Variants in CCDC88B observed in about 807,000 individuals in gnomAD.
The protein encoded by CCDC88B is coiled-coil domain-containing protein 88B.
CCDC88B carries 138 observed loss-of-function variants against 183.7 expected under a neutral mutation model. That is an observed-to-expected ratio of 0.75 (90% CI 0.65 to 0.87). CCDC88B has a LOEUF of 0.87. Ranked by LOEUF, CCDC88B falls within the 40% of genes least tolerant of loss-of-function variation. The pLI is 0.00. For missense variants in CCDC88B, 1,822 were observed against 1,965.6 expected (o/e 0.93, Z 1.38); for synonymous variants, 835 against 867.5 (o/e 0.96, Z 0.66).
chr11:64,354,092 G>T lies in CCDC88B; in HGVS notation c.4021G>T (p.Asp1341Tyr). The stretch of plus-strand genomic sequence containing the variant: ...CCCTGGGGGGCTGCGCCTGGGGGCC[G>T]ATGGGGCTGGCAGCACCGAGAGCCT... ...GPPGGLRLGA[D>Y]GAGSTESLGG... is the part of the protein sequence containing the mutation. Residue 1341 changes from aspartate to tyrosine, a missense_variant, in exon 24 of 27, where the codon GAT becomes TAT. By Grantham distance (160) the Asp-to-Tyr change is radical. Transcript: ENST00000356786. 1 of 1,419,616 alleles carries T rather than the reference G, an allele frequency of 7.0e-7. No homozygotes were observed. The highest frequency in any genetic ancestry group is 1.7e-5 in the South Asian group (1 of 57,410). The allele number at this position is 1,419,616 out of a possible 1,614,324, so 87.9% of individuals were successfully genotyped here.
chr11:64,356,941 G>A (rs1041903141), intron 26 of CCDC88B, 98 bp from the exon 27 acceptor site: 355 of 1,226,062 alleles, frequency 2.9e-4, no homozygotes, highest in Non-Finnish European at 3.8e-4. Flanking sequence ...GGTATTGGCA[G>A]GTCGGGGGTG....
Position 64,352,333 on chromosome 11 carries a change from C to T in CCDC88B, c.3303C>T (p.Asp1101=), listed in dbSNP as rs1367300541. 13 of 1,547,796 alleles carry T rather than the reference C, an allele frequency of 8.4e-6. No homozygotes were observed. The highest frequency in any genetic ancestry group is 2.0e-5 in the Admixed American group (1 of 51,036). The change falls in exon 19 of 27, where the codon GAC becomes GAT. Residue 1101 remains aspartate, a synonymous_variant. Coordinates refer to ENST00000356786, the MANE Select transcript of CCDC88B (RefSeq NM_032251.6). Reference sequence around the variant, plus strand: ...AGGGACTGCTGGTGCGGCACCGAGACCTCAAGGCCAACATGCGGGCACTGG... The same window carrying T: ...AGGGACTGCTGGTGCGGCACCGAGATCTCAAGGCCAACATGCGGGCACTGG... ...ELEGLLVRHR[D]LKANMRALEL... is the part of the protein sequence containing the mutation.
chr11:64,355,648 A>G lies in CCDC88B; in HGVS notation c.4375+20A>G. 1 of 1,600,718 alleles carries G rather than the reference A, an allele frequency of 6.2e-7. No homozygotes were observed. The highest frequency in any genetic ancestry group is 2.2e-5 in the East Asian group (1 of 44,662). On this transcript the variant is annotated intron_variant, in intron 26 of 26. Transcript: ENST00000356786. ...GAGAGGGTGAGTGGGGGACTGTGGA[A>G]GGAGTAGTATTCTTTGTCCTGCCTG... is the stretch of plus-strand genomic sequence containing the variant.
chr11:64,353,144 G>T lies in CCDC88B; in HGVS notation c.3591G>T (p.Glu1197Asp). 1 of 1,595,048 alleles carries T rather than the reference G, an allele frequency of 6.3e-7. No individual in the cohort carries two copies. Among genetic ancestry groups the T allele is most frequent in the Admixed American group, 1.7e-5 (1 of 57,188 alleles). ...TACGGGGCCGGCTGGCGCGGCTGGA[G>T]CTGGAGCGGGCACAGCTGGAGATGC... Reference protein sequence around the residue: ...GELRGRLARLELERAQLEMQS... With the variant: ...GELRGRLARLDLERAQLEMQS... Residue 1197 changes from glutamate (E) to aspartate (D), a missense_variant, in exon 21 of 27, where the codon GAG becomes GAT. By Grantham distance (45) the Glu-to-Asp change is conservative. Coordinates refer to ENST00000356786, the MANE Select transcript of CCDC88B (RefSeq NM_032251.6).
At position 64,344,356 on chromosome 11, in the gene CCDC88B, C is replaced by T. The variant is rs149597819; in HGVS notation, c.1815C>T (p.Ala605=). Residue 605 remains alanine (A), a synonymous_variant, in exon 14 of 27, where the codon GCC becomes GCT. Coordinates refer to ENST00000356786, the MANE Select transcript of CCDC88B (RefSeq NM_032251.6). The surrounding 1 kb of genome is among the most constrained non-coding windows in gnomAD (Gnocchi z 4.5). ...RSSLQSPASV[A]PPQGPGTKIQ... ...CTCTCCAGAGCCCTGCCTCTGTGGCCCCACCTCAGGGTCCAGGGACCAAAA... is the reference window on the plus strand; with the variant it reads ...CTCTCCAGAGCCCTGCCTCTGTGGCTCCACCTCAGGGTCCAGGGACCAAAA... The T allele has an allele frequency of 5.1e-4, 809 of 1,594,220 alleles. 5 individuals are homozygous for T. In the African/African-American group the frequency reaches 9.6e-3, roughly 19 times the overall value.
chr11:64,355,370 C>G lies in CCDC88B; in HGVS notation c.4276C>G (p.Pro1426Ala), dbSNP rs375985057. The change falls in exon 25 of 27, where the codon CCC (proline) becomes GCC (alanine). Residue 1426 changes from proline to alanine, a missense_variant. Pro to Ala is a conservative substitution (Grantham distance 27). Transcript: ENST00000356786. The part of the protein sequence containing the change: ...RQRFRQRHPG[P>A]LGAPVSHSKG... ...ACGATTCCGACAGCGCCATCCAGGC[C>G]CCCTGGGGGCGCCCGTCTCCCACAG... 14 of 1,590,596 alleles carry G rather than the reference C, an allele frequency of 8.8e-6. No individual in the cohort carries two copies. In the African/African-American group the frequency reaches 1.9e-4, roughly 21 times the overall value.
At chr11:64,340,784 GA>G in intron 2 of CCDC88B, 32 bp downstream of exon 2, 1 of 1,584,188 alleles carries the variant, frequency 6.3e-7, no homozygotes, top group Non-Finnish European at 8.6e-7. Context: ...CGGTGGCGGG[GA>G]AGGATCTGAG....
At chr11:64,353,644 C>A in intron 22 of CCDC88B, 71 bp from the exon 23 acceptor site, 2 of 1,591,930 alleles carry the variant, frequency 1.3e-6, no homozygotes, top group Non-Finnish European at 1.7e-6. Flanking sequence ...GTCCTCGCTG[C>A]AGCTTGTGCC....
chr11:64,342,285 T>G lies in CCDC88B; in HGVS notation c.822-9T>G. The G allele has an allele frequency of 1.3e-6, 2 of 1,580,958 alleles. No individual in the cohort carries two copies. The highest frequency in any genetic ancestry group is 1.7e-6 in the Non-Finnish European group (2 of 1,164,188). Reference sequence around the variant, plus strand: ...CCCCAGACCCTCCCTAGACTCCCCTTCCCTCCAGGGAGGAGAAGGCCGAGC... The same window carrying G: ...CCCCAGACCCTCCCTAGACTCCCCTGCCCTCCAGGGAGGAGAAGGCCGAGC... On this transcript the variant is annotated splice_polypyrimidine_tract_variant and intron_variant, in intron 8 of 26. Transcript: ENST00000356786.
chr11:64,349,682 G>C lies in CCDC88B; in HGVS notation c.2862+14G>C, dbSNP rs367956137. The C allele has an allele frequency of 1.9e-6, 3 of 1,573,992 alleles. No individual in the cohort carries two copies. The South Asian group carries it at 3.5e-5, about 18-fold the overall frequency. ...GAGCTGTTCCAGGTGATGCCTGCCC[G>C]CCTGGGAGCTGGGGGCCATGCCACC... is the stretch of plus-strand genomic sequence containing the variant. On this transcript the variant is annotated intron_variant, in intron 16 of 26. Transcript: ENST00000356786.
intron 10 of CCDC88B, 29 bp downstream of exon 10, chr11:64,342,709 G>T: frequency 6.9e-7 from 1 of 1,452,114 alleles, no homozygotes; most frequent in Non-Finnish European, 9.0e-7. Context: ...CGCGGGGCGG[G>T]GCGTGCGCGA....
At position 64,344,964 on chromosome 11, in the gene CCDC88B, CCCAGGA is replaced by C. The variant is rs1490353328; in HGVS notation, c.2424_2429del (p.Gln809_Glu810del). 1.3e-6 allele frequency: 2 copies of C among 1,550,950 alleles called. No homozygotes were observed. ...GCTGGCCAGGAGCTGGAGTCTGCGT[CCCAGGA>C]ACGGGAGGCGCTGGTGGAGGCGCTG... is the stretch of plus-strand genomic sequence containing the variant. On this transcript the variant is annotated inframe_deletion, in exon 14 of 27. Transcript: ENST00000356786. This position sits in a 1 kb window ranked among gnomAD's most constrained non-coding sequence, Gnocchi z 4.5.
Position 64,357,107 on chromosome 11 carries a change from AGCAGGCTTGGGAGT to A in CCDC88B, c.*18_*31del. On this transcript the variant is annotated 3_prime_UTR_variant, in exon 27 of 27. Transcript: ENST00000356786. ...CCTCAGCCAGTGACACCGTGGGAAC[AGCAGGCTTGGGAGT>A]GCAGCCTTCTCGGCACTGGAGTGTC... 1 of 1,613,780 alleles carries A rather than the reference AGCAGGCTTGGGAGT, an allele frequency of 6.2e-7. No individual in the cohort carries two copies. Among genetic ancestry groups the A allele is most frequent in the East Asian group, 2.2e-5 (1 of 44,880 alleles).
At chr11:64,340,452 G>T in intron 1 of CCDC88B, 126 bp downstream of exon 1, 1 of 1,337,358 alleles carries the variant, frequency 7.5e-7, no homozygotes, top group Non-Finnish European at 9.9e-7. Context: ...TCAAATGTGG[G>T]GGATGGAGAT....
Position 64,354,064 on chromosome 11 carries a change from C to A in CCDC88B, c.3993C>A (p.Gly1331=). The part of the protein sequence containing the change: ...KRLMRPRREG[G]PPGGLRLGAD... ...TGATGCGGCCCCGGCGGGAGGGGGG[C>A]CCCCCTGGGGGGCTGCGCCTGGGGG... Residue 1331 remains glycine (G), a synonymous_variant, in exon 24 of 27, where the codon GGC becomes GGA. Transcript: ENST00000356786. 6.9e-7 allele frequency: 1 copy of A among 1,441,572 alleles called. No individual in the cohort carries two copies. The allele number at this position is 1,441,572 out of a possible 1,614,324, so 89.3% of individuals were successfully genotyped here. A position where few individuals can be genotyped will look rare whatever the true frequency, so the allele number is the denominator to read the frequency against.
In CCDC88B at chr11:64,351,178, G is replaced by C. The variant is rs1429218618; in HGVS notation, c.2881G>C (p.Gly961Arg). 1 of 1,499,654 alleles carries C rather than the reference G, an allele frequency of 6.7e-7. No homozygotes were observed. The highest frequency in any genetic ancestry group is 1.4e-5 in the African/African-American group (1 of 70,752). The allele number at this position is 1,499,654 out of a possible 1,614,324, so 92.9% of individuals were successfully genotyped here. A position where few individuals can be genotyped will look rare whatever the true frequency, so the allele number is the denominator to read the frequency against. Reference protein sequence around the residue: ...ELFQLRQGPAGLGPKKRAEPQ... With the variant: ...ELFQLRQGPARLGPKKRAEPQ... ...CTTGCAGCTGCGCCAGGGCCCCGCG[G>C]GGCTGGGGCCCAAAAAGCGTGCGGA... The change falls in exon 17 of 27, where the codon GGG (glycine) becomes CGG (arginine). Residue 961 changes from glycine to arginine, a missense_variant. Transcript: ENST00000356786.
rs1245650269 is a variant in CCDC88B at position 64,349,357 on chromosome 11, C to A, written c.2643C>A (p.Gly881=). The change falls in exon 15 of 27, where the codon GGC becomes GGA. Residue 881 remains glycine (G), a synonymous_variant. Coordinates refer to ENST00000356786, the MANE Select transcript of CCDC88B (RefSeq NM_032251.6). Reference sequence around the variant, plus strand: ...AGCTGGAGAAAGCTGTGGTGCGGGGCAAGGAGTTGGGGGACCGGCTGGAGC... The same window carrying A: ...AGCTGGAGAAAGCTGTGGTGCGGGGAAAGGAGTTGGGGGACCGGCTGGAGC... ...QAELEKAVVR[G]KELGDRLEHL... is the part of the protein sequence containing the mutation. 1.2e-6 allele frequency: 2 copies of A among 1,611,922 alleles called. No individual in the cohort carries two copies. Among genetic ancestry groups the A allele is most frequent in the Non-Finnish European group, 1.7e-6 (2 of 1,179,552 alleles).
In CCDC88B at chr11:64,344,698, C is replaced by A. The variant is rs749483043; in HGVS notation, c.2157C>A (p.Ser719Arg). The A allele has an allele frequency of 2.5e-6, 4 of 1,614,126 alleles. No individual in the cohort carries two copies. Among genetic ancestry groups the A allele is most frequent in the South Asian group, 1.1e-5 (1 of 91,086 alleles). The stretch of plus-strand genomic sequence containing the variant: ...GGGAAGGCCCAATCCCAGGGGAGAG[C>A]CTGGCCAGTGGTGTCGCAGAGCAGG... Reference protein sequence around the residue: ...QVWEGPIPGESLASGVAEQEA... With the variant: ...QVWEGPIPGERLASGVAEQEA... The change falls in exon 14 of 27, where the codon AGC (serine) becomes AGA (arginine). Residue 719 changes from serine (S) to arginine (R), a missense_variant. Coordinates refer to ENST00000356786, the MANE Select transcript of CCDC88B (RefSeq NM_032251.6). The surrounding 1 kb of genome is among the most constrained non-coding windows in gnomAD (Gnocchi z 4.5).
Position 64,340,663 on chromosome 11 carries a change from G to A in CCDC88B, c.117G>A (p.Glu39=), listed in dbSNP as rs1432729591. The change falls in exon 2 of 27, where the codon GAG becomes GAA. Residue 39 remains glutamate (E), a synonymous_variant. Transcript: ENST00000356786. ...GEAEDSEGEE[E]EEEEEPPLWL... is the part of the protein sequence containing the mutation. The stretch of plus-strand genomic sequence containing the variant: ...CGGAGGACTCGGAGGGGGAAGAAGA[G>A]GAAGAGGAGGAAGAGCCGCCCCTTT... 2 of 1,612,002 alleles carry A rather than the reference G, an allele frequency of 1.2e-6. No individual in the cohort carries two copies. The highest frequency in any genetic ancestry group is 1.1e-5 in the South Asian group (1 of 91,082).
Sources: gnomAD v4.1 joint callset for allele counts on GRCh38, gnomAD v4.1.1 for gene constraint, Gnocchi (gnomAD v3.1) non-coding constraint, MANE v1.5 for transcripts, NCBI Gene and HGNC (gene_info 2026-07-23, HGNC 2026-07-21) for gene names.